IPCEF1: variants seen among roughly 807,000 people sequenced by gnomAD.
IPCEF1 encodes interactor protein for cytohesin exchange factors 1.
In IPCEF1, 31 loss-of-function variants were observed where a neutral mutation model predicts 50.9. That is an observed-to-expected ratio of 0.61 (90% CI 0.46 to 0.82). IPCEF1 has a LOEUF of 0.82. IPCEF1 is among the 40% of genes least tolerant of loss of function. The pLI is 0.00. For synonymous variants in IPCEF1, 181 were observed against 192.0 expected, an observed-to-expected ratio of 0.94 and a Z score of 0.47; for missense variants, 458 against 514.0, an observed-to-expected ratio of 0.89 and a Z score of 1.05.
At position 154,229,013 on chromosome 6, in the gene IPCEF1, C is replaced by G. The variant is rs368920145; in HGVS notation, c.247-5770G>C. ...CCCTAGATAAGTTTCCAGGATTCAA[C>G]TTAGGTGTGACCATTTCCAAAACTT... On this transcript the variant is annotated intron_variant, in intron 5 of 11. Coordinates refer to ENST00000367220, the MANE Select transcript of IPCEF1 (RefSeq NM_001130700.2). Among the ~76,000 whole-genome samples, 136 of 152,368 alleles carry G rather than the reference C, an allele frequency of 8.9e-4. 2 individuals are homozygous for G. The South Asian group carries it at 0.027, about 30-fold the overall frequency.
At chr6:154,165,947 A>G (rs950195080) in intron 11 of IPCEF1, among the ~76,000 whole-genome samples, 9 of 152,354 alleles carry the variant, frequency 5.9e-5, no homozygotes, top group Middle Eastern at 3.4e-3. Context: ...GCAACCTGAA[A>G]GGACCTGAAT....
At chr6:154,230,893 A>T (rs1779663894) in intron 5 of IPCEF1, among the ~76,000 whole-genome samples, 5 of 152,218 alleles carry the variant, frequency 3.3e-5, no homozygotes, top group Admixed American at 1.3e-4. Flanking sequence ...AGCTAAAAAA[A>T]TTTCTTTGTA....
chr6:154,161,900 A>C (rs1799051834), intron 11 of IPCEF1, among the ~76,000 whole-genome samples: 1 of 152,174 alleles, frequency 6.6e-6, no homozygotes, highest in South Asian at 2.1e-4. Context: ...TCCAGTCATC[A>C]CATTTTCACA....
At chr6:154,207,045 G>T (rs1229494514) in intron 9 of IPCEF1, among the ~76,000 whole-genome samples, 1 of 152,192 alleles carries the variant, frequency 6.6e-6, no homozygotes, top group Non-Finnish European at 1.5e-5. Context: ...CTAATTGGGA[G>T]GTGGTTTTTA....
intron 5 of IPCEF1, among the ~76,000 whole-genome samples, chr6:154,241,215 A>G (rs1780556585): frequency 6.8e-6 from 1 of 147,538 alleles, no homozygotes; most frequent in African/African-American, 2.5e-5. Flanking sequence ...CAGCCTAGCA[A>G]CAAAGTGAGA....
At position 154,168,835 on chromosome 6, in the gene IPCEF1, A is replaced by ACTT. The variant is rs1262027346; in HGVS notation, c.911-725_911-723dup. Reference sequence around the variant, plus strand: ...TGCCCAGGCTGGTCTTGAACTCCTGACTTTGGGTGATCCGCCCACCTTGGC... The same window carrying ACTT: ...TGCCCAGGCTGGTCTTGAACTCCTGACTTCTTTGGGTGATCCGCCCACCTTGGC... On this transcript the variant is annotated intron_variant, in intron 10 of 11. Coordinates refer to ENST00000367220, the MANE Select transcript of IPCEF1 (RefSeq NM_001130700.2). This position sits in a 1 kb window ranked among gnomAD's most constrained non-coding sequence, Gnocchi z 4.1. Among the ~76,000 whole-genome samples, 1 of 150,060 alleles carries ACTT rather than the reference A, an allele frequency of 6.7e-6. No homozygotes were observed. Among genetic ancestry groups the ACTT allele is most frequent in the East Asian group, 2.0e-4 (1 of 5,126 alleles).
intron 3 of IPCEF1, among the ~76,000 whole-genome samples, chr6:154,255,382 C>T (rs1309056374): frequency 6.6e-6 from 1 of 152,212 alleles, no homozygotes; most frequent in Non-Finnish European, 1.5e-5. Context: ...CTTCTAACAA[C>T]TATCACACTG....
chr6:154,172,578 G>T (rs886619181), intron 10 of IPCEF1, among the ~76,000 whole-genome samples: 1 of 152,198 alleles, frequency 6.6e-6, no homozygotes, highest in African/African-American at 2.4e-5. Flanking sequence ...GCTGGAGCTT[G>T]GCAAGGGGAG....
At chr6:154,327,193 A>C (rs1356948600) in intron 1 of IPCEF1, among the ~76,000 whole-genome samples, 1 of 152,234 alleles carries the variant, frequency 6.6e-6, no homozygotes, top group Non-Finnish European at 1.5e-5. Flanking sequence ...AGTAATTGCA[A>C]CAAAAGCAAA....
At chr6:154,186,709 A>T (rs1174100806) in intron 10 of IPCEF1, among the ~76,000 whole-genome samples, 2 of 151,922 alleles carry the variant, frequency 1.3e-5, no homozygotes, top group African/African-American at 4.8e-5. Flanking sequence ...GGCGCCCGCC[A>T]TCACGCCTGG....
intron 1 of IPCEF1, among the ~76,000 whole-genome samples, chr6:154,295,434 C>A (rs1333746707): frequency 6.6e-6 from 1 of 151,170 alleles, no homozygotes; most frequent in Non-Finnish European, 1.5e-5. Context: ...CTGCCCCCAA[C>A]CTCCTCTGGA....
chr6:154,294,295 G>A (rs1782583226), intron 1 of IPCEF1, among the ~76,000 whole-genome samples: 2 of 151,936 alleles, frequency 1.3e-5, no homozygotes, highest in Non-Finnish European at 2.9e-5. Flanking sequence ...ACAAAAACTG[G>A]GCCGAATCCT....
intron 7 of IPCEF1, 34 bp from the exon 8 acceptor site, chr6:154,214,310 A>G (rs2293537): frequency 0.17 from 244,964 of 1,474,878 alleles, 20,587 homozygotes; most frequent in East Asian, 0.23. Flanking sequence ...TGTTGACCAA[A>G]GAGATTAGCC....
intron 1 of IPCEF1, among the ~76,000 whole-genome samples, chr6:154,350,875 C>T (rs1370430904): frequency 2.6e-5 from 4 of 152,118 alleles, no homozygotes; most frequent in African/African-American, 9.7e-5. Flanking sequence ...CACACATCAC[C>T]ACACCTGGCC....
intron 10 of IPCEF1, among the ~76,000 whole-genome samples, chr6:154,171,943 T>A (rs1384199305): frequency 1.3e-5 from 2 of 152,142 alleles, no homozygotes; most frequent in East Asian, 3.9e-4. Context: ...ATTTTTGAAT[T>A]AAGGAATATA....
At chr6:154,354,535 A>G (rs550747459) in intron 1 of IPCEF1, among the ~76,000 whole-genome samples, 2 of 106,824 alleles carry the variant, frequency 1.9e-5, no homozygotes, top group East Asian at 5.4e-4. Flanking sequence ...CACCATTTCT[A>G]CCATCTCCAT....
chr6:154,180,403 TATATA>T (rs1441085928), intron 10 of IPCEF1, among the ~76,000 whole-genome samples: 596 of 42,830 alleles, frequency 0.014, 6 homozygotes, highest in African/African-American at 0.039. Context: ...TATATATATA[TATATA>T]TATATATTTT....
intron 1 of IPCEF1, among the ~76,000 whole-genome samples, chr6:154,296,871 C>T (rs140953071): frequency 4.0e-5 from 6 of 150,900 alleles, no homozygotes; most frequent in East Asian, 1.9e-4. Context: ...TCATCCTCAA[C>T]GGTTTTGGAT....
At chr6:154,304,390 C>T (rs542209103) in intron 1 of IPCEF1, among the ~76,000 whole-genome samples, 63 of 152,216 alleles carry the variant, frequency 4.1e-4, no homozygotes, top group African/African-American at 1.5e-3. Context: ...CCTGAAATCA[C>T]TCTCTTTTTC....
Sources: allele counts gnomAD v4.1 joint callset (sites outside exome capture counted in the v4.1 genomes callset), GRCh38; gene constraint gnomAD v4.1.1; non-coding constraint Gnocchi (gnomAD v3.1); transcripts MANE v1.5; gene names NCBI Gene and HGNC (gene_info 2026-07-23, HGNC 2026-07-21).